Variants in CYB5B observed in about 807,000 individuals in gnomAD.
CYB5B encodes the protein cytochrome b5 type B (outer mitochondrial membrane).
Under a neutral mutation model 21.3 loss-of-function variants are expected in CYB5B, and 14 were observed. The observed-to-expected ratio is 0.66, with a 90% CI of 0.43 to 1.03. The LOEUF (loss-of-function observed/expected upper bound fraction) is 1.03, where lower values mean the gene tolerates loss of function less well. CYB5B is among the 50% of genes least tolerant of loss of function. The pLI is 0.00. For missense variants in CYB5B, 166 were observed against 185.1 expected (o/e 0.90, Z 0.60); for synonymous variants, 69 against 68.4 (o/e 1.01, Z -0.04).
chr16:69,438,040 A>G (rs1008864667), intron 1 of CYB5B, among the ~76,000 whole-genome samples: 1 of 151,864 alleles, frequency 6.6e-6, no homozygotes, highest in African/African-American at 2.4e-5. Flanking sequence ...CCAAACTGAA[A>G]CTCTGTACTT....
chr16:69,424,928 G>A (rs749518010), intron 1 of CYB5B, 71 bp downstream of exon 1: 7 of 1,392,062 alleles, frequency 5.0e-6, no homozygotes, highest in South Asian at 1.7e-5. Context: ...TGGAGTGTAT[G>A]TGGGAAGGAA....
Position 69,464,425 on chromosome 16 carries a change from T to C in CYB5B, c.*1905T>C, listed in dbSNP as rs779001734. On this transcript the variant is annotated 3_prime_UTR_variant, in exon 5 of 5. Coordinates refer to ENST00000307892, the MANE Select transcript of CYB5B (RefSeq NM_030579.3). ...ATTATTTAACAAAAGTGGTATGACT[T>C]GATGCTTCTCTATTTAAAGGCAAGG... The C allele has an allele frequency of 1.1e-4, 16 of 152,218 alleles. No homozygotes were observed. Among genetic ancestry groups the C allele is most frequent in the Non-Finnish European group, 1.9e-4 (13 of 68,040 alleles). 9.4% of individuals were successfully genotyped at this position (152,218 alleles called of 1,614,324 possible).
chr16:69,457,403 T>C (rs891431275), intron 3 of CYB5B, among the ~76,000 whole-genome samples: 6 of 152,228 alleles, frequency 3.9e-5, no homozygotes, highest in Admixed American at 1.3e-4. Context: ...ATTATCCCTT[T>C]TAAAAATAGT....
At position 69,450,404 on chromosome 16, in the gene CYB5B, A is replaced by T. The variant is rs188375741; in HGVS notation, c.333+2260A>T. On this transcript the variant is annotated intron_variant, in intron 3 of 4. Coordinates refer to ENST00000307892, the MANE Select transcript of CYB5B (RefSeq NM_030579.3). ...CAGTGTTTTCAATCCTGTTTTCCTC[A>T]TGTCACTGTACTCAAGGGACATGTC... 2.0e-5 allele frequency among the ~76,000 whole-genome samples: 3 copies of T among 152,246 alleles called. No homozygotes were observed. In the East Asian group the frequency reaches 5.8e-4, roughly 29 times the overall value.
intron 1 of CYB5B, among the ~76,000 whole-genome samples, chr16:69,439,867 T>G (rs1453266789): frequency 6.6e-6 from 1 of 151,948 alleles, no homozygotes; most frequent in Non-Finnish European, 1.5e-5. Flanking sequence ...ATCTACCATC[T>G]TAAACATTTG....
Position 69,424,635 on chromosome 16 carries a change from C to G in CYB5B, c.-49C>G, listed in dbSNP as rs760268533. 6.7e-7 allele frequency: 1 copy of G among 1,492,774 alleles called. No homozygotes were observed. The highest frequency in any genetic ancestry group is 8.9e-7 in the Non-Finnish European group (1 of 1,117,706). The allele number at this position is 1,492,774 out of a possible 1,614,324, so 92.5% of individuals were successfully genotyped here. ...GAAGCCGAGGAAGGCTGAGCGCGGG[C>G]TCTCAAGGAAAGTAGTCGCGGAATC... On this transcript the variant is annotated 5_prime_UTR_variant, in exon 1 of 5. Coordinates refer to ENST00000307892, the MANE Select transcript of CYB5B (RefSeq NM_030579.3).
chr16:69,448,303 G>GTTAAA, intron 3 of CYB5B, 159 bp downstream of exon 3: 1 of 760,802 alleles, frequency 1.3e-6, no homozygotes, highest in East Asian at 2.7e-5. Flanking sequence ...TATCATCTCA[G>GTTAAA]GAATAAAAGA....
intron 4 of CYB5B, 93 bp from the exon 5 acceptor site, chr16:69,462,337 C>A: frequency 1.0e-6 from 1 of 1,001,788 alleles, no homozygotes; most frequent in Non-Finnish European, 1.6e-6. Flanking sequence ...AATAAAAACT[C>A]CTTGCCTATA....
At chr16:69,431,845 A>G (rs2014709526) in intron 1 of CYB5B, among the ~76,000 whole-genome samples, 1 of 152,230 alleles carries the variant, frequency 6.6e-6, no homozygotes, top group Non-Finnish European at 1.5e-5. Flanking sequence ...AAACAAAAAC[A>G]GACAGATGAA....
chr16:69,425,172 G>A (rs1440597867), intron 1 of CYB5B, among the ~76,000 whole-genome samples: 1 of 152,194 alleles, frequency 6.6e-6, no homozygotes, highest in Admixed American at 6.5e-5. Context: ...AGGCTCACAG[G>A]TTGAGGACTC....
chr16:69,434,488 C>G (rs2014739425), intron 1 of CYB5B, among the ~76,000 whole-genome samples: 1 of 152,200 alleles, frequency 6.6e-6, no homozygotes, highest in Non-Finnish European at 1.5e-5. Context: ...TTTATACTCC[C>G]ACCACAATGT....
Position 69,462,470 on chromosome 16 carries a change from C to G in CYB5B, c.403C>G (p.Leu135Val), listed in dbSNP as rs1191836762. The G allele has an allele frequency of 6.2e-7, 1 of 1,614,154 alleles. No homozygotes were observed. Among genetic ancestry groups the G allele is most frequent in the East Asian group, 2.2e-5 (1 of 44,884 alleles). Residue 135 changes from leucine to valine, a missense_variant, in exon 5 of 5, where the codon CTC (leucine) becomes GTC (valine). Transcript: ENST00000307892. ...GATTTTACCCATCATAGGCGCTGTT[C>G]TCTTAGGTTTCCTGTACCGCTACTA... ...YWILPIIGAVLLGFLYRYYTS... is the reference protein window; with the variant it reads ...YWILPIIGAVVLGFLYRYYTS...
At position 69,446,017 on chromosome 16, in the gene CYB5B, C is replaced by A. The variant is rs555447877; in HGVS notation, c.175-1133C>A. On this transcript the variant is annotated intron_variant, in intron 1 of 4. Coordinates refer to ENST00000307892, the MANE Select transcript of CYB5B (RefSeq NM_030579.3). ...TGAAGTCTTCCTTCTACCCTATCTC[C>A]CAGCCACTAGGTTCTTTCACCATTT... Among the ~76,000 whole-genome samples the A allele has an allele frequency of 2.0e-5, 3 of 152,128 alleles. No individual in the cohort carries two copies. In the South Asian group the frequency reaches 6.2e-4, roughly 32 times the overall value.
chr16:69,429,548 A>C (rs1450296740), intron 1 of CYB5B, among the ~76,000 whole-genome samples: 1 of 152,220 alleles, frequency 6.6e-6, no homozygotes, highest in Non-Finnish European at 1.5e-5. Context: ...CAGGAAGTCC[A>C]GCTGGCTTTG....
At chr16:69,440,474 A>T (rs2014808457) in intron 1 of CYB5B, among the ~76,000 whole-genome samples, 2 of 152,198 alleles carry the variant, frequency 1.3e-5, no homozygotes, top group African/African-American at 4.8e-5. Context: ...TACCCACTGT[A>T]TTACCATAAC....
chr16:69,445,881 G>C (rs1292264229), intron 1 of CYB5B, among the ~76,000 whole-genome samples: 1 of 152,116 alleles, frequency 6.6e-6, no homozygotes, highest in South Asian at 2.1e-4. Context: ...GCTTGAACCC[G>C]GGTGGCAGAG....
intron 1 of CYB5B, among the ~76,000 whole-genome samples, chr16:69,446,299 C>T (rs992408639): frequency 2.0e-5 from 3 of 152,096 alleles, no homozygotes; most frequent in Non-Finnish European, 4.4e-5. Context: ...CTTCCTGAGG[C>T]ACTACTTTAT....
chr16:69,450,471 C>G (rs2142822328), intron 3 of CYB5B, among the ~76,000 whole-genome samples: 1 of 152,300 alleles, frequency 6.6e-6, no homozygotes, highest in African/African-American at 2.4e-5. Context: ...TCTAGTCACT[C>G]TGCTCTACTT....
At chr16:69,440,035 A>G (rs2014803584) in intron 1 of CYB5B, among the ~76,000 whole-genome samples, 1 of 151,732 alleles carries the variant, frequency 6.6e-6, no homozygotes, top group Non-Finnish European at 1.5e-5. Flanking sequence ...CACCTGGCCA[A>G]TTTTTTTAGT....
Sources: allele counts gnomAD v4.1 joint callset (sites outside exome capture counted in the v4.1 genomes callset), GRCh38; gene constraint gnomAD v4.1.1; transcripts MANE v1.5; gene names NCBI Gene and HGNC (gene_info 2026-07-23, HGNC 2026-07-21).